The following CHFR variants were observed in gnomAD, a reference collection of about 807,000 sequenced individuals.
CHFR encodes E3 ubiquitin-protein ligase CHFR.
CHFR carries 57 observed loss-of-function variants against 87.6 expected under a neutral mutation model. The observed-to-expected ratio is 0.65, with a 90% CI of 0.53 to 0.81. The LOEUF is 0.81. CHFR is among the 30% of genes least tolerant of loss of function. The pLI is 0.00. For missense variants in CHFR, 797 were observed against 865.8 expected, an observed-to-expected ratio of 0.92 and a Z score of 1.00; for synonymous variants, 381 against 359.2, an observed-to-expected ratio of 1.06 and a Z score of -0.69.
At chr12:132,881,890 A>G (rs1254290943) in intron 2 of CHFR, among the ~76,000 whole-genome samples, 4 of 139,360 alleles carry the variant, frequency 2.9e-5, no homozygotes, top group African/African-American at 1.1e-4. Flanking sequence ...AAAAAAAAAG[A>G]CTGACCACCT....
intron 3 of CHFR, 87 bp from the exon 4 acceptor site, chr12:132,872,481 C>T (rs1307089988): frequency 7.4e-6 from 6 of 811,496 alleles, no homozygotes; most frequent in Admixed American, 2.0e-5. Flanking sequence ...GCAAGCAGCT[C>T]GATATGACCA....
intron 17 of CHFR, 54 bp from the exon 18 acceptor site, chr12:132,841,650 A>C: frequency 2.1e-6 from 3 of 1,421,622 alleles, no homozygotes; most frequent in Non-Finnish European, 3.0e-6. Flanking sequence ...AGGCAATCAA[A>C]TAAATTACAC....
chr12:132,866,238 C>T (rs1317024513), intron 6 of CHFR: 2 of 152,230 alleles, frequency 1.3e-5, no homozygotes, highest in Non-Finnish European at 2.9e-5. Context: ...CTGAGAAGTC[C>T]TCCCAGGTGA....
At chr12:132,860,942 G>A (rs899710122) in intron 7 of CHFR, among the ~76,000 whole-genome samples, 1 of 152,102 alleles carries the variant, frequency 6.6e-6, no homozygotes, top group African/African-American at 2.4e-5. Flanking sequence ...TAGTAGAGAC[G>A]GAGTTTCACC....
chr12:132,863,132 G>A (rs867704314), intron 6 of CHFR, among the ~76,000 whole-genome samples: 31 of 142,674 alleles, frequency 2.2e-4, no homozygotes, highest in Admixed American at 4.8e-4. Context: ...TCCTGACCTC[G>A]TGATCCACCC....
intron 11 of CHFR, among the ~76,000 whole-genome samples, chr12:132,852,521 C>T (rs937776920): frequency 7.3e-5 from 11 of 150,718 alleles, no homozygotes; most frequent in East Asian, 1.9e-4. Flanking sequence ...AAAGACCCTG[C>T]GAGGTCAACA....
chr12:132,852,781 T>A (rs1950976302), intron 11 of CHFR, among the ~76,000 whole-genome samples: 1 of 152,194 alleles, frequency 6.6e-6, no homozygotes, highest in African/African-American at 2.4e-5. Flanking sequence ...AGCACAAGGA[T>A]GTGGCTCTAC....
chr12:132,847,972 A>G (rs995965203), intron 14 of CHFR, 113 bp downstream of exon 14: 14 of 1,549,070 alleles, frequency 9.0e-6, no homozygotes, highest in South Asian at 2.4e-5. Flanking sequence ...CGGCTCCCCA[A>G]CCCGCAGCGG....
At chr12:132,881,812 G>A (rs1951775952) in intron 2 of CHFR, among the ~76,000 whole-genome samples, 2 of 150,650 alleles carry the variant, frequency 1.3e-5, no homozygotes, top group Admixed American at 6.7e-5. Context: ...AGGTTGCAGT[G>A]AGCTGAGATT....
intron 17 of CHFR, among the ~76,000 whole-genome samples, 159 bp downstream of exon 17, chr12:132,842,852 C>T (rs945814212): frequency 6.6e-6 from 1 of 152,148 alleles, no homozygotes; most frequent in African/African-American, 2.4e-5. Flanking sequence ...CTGCATGAAA[C>T]GAAGGGATAA....
intron 8 of CHFR, among the ~76,000 whole-genome samples, chr12:132,857,908 C>T (rs1951119676): frequency 6.6e-6 from 1 of 152,234 alleles, no homozygotes; most frequent in Non-Finnish European, 1.5e-5. Context: ...GCGAAATACA[C>T]CTTCCCAGAT....
In CHFR at chr12:132,845,808, C is replaced by T. The variant is rs192283276; in HGVS notation, c.1735+1235G>A. Among the ~76,000 whole-genome samples the T allele has an allele frequency of 5.1e-4, 77 of 152,308 alleles. 1 individual carries two copies. The South Asian group carries it at 9.5e-3, about 19-fold the overall frequency. On this transcript the variant is annotated intron_variant, in intron 15 of 17. Transcript: ENST00000450056. Reference sequence around the variant, plus strand: ...GTCCCAGGACAACTGACCCCAGGACCTCTGGATAGACAAGTGGTAGAGACC... The same window carrying T: ...GTCCCAGGACAACTGACCCCAGGACTTCTGGATAGACAAGTGGTAGAGACC...
At position 132,835,646 on chromosome 12, in the gene CHFR, G is replaced by A; in HGVS notation, c.*5908C>T. 1 of 195,740 alleles carries A rather than the reference G, an allele frequency of 5.1e-6. No homozygotes were observed. Among genetic ancestry groups the A allele is most frequent in the Non-Finnish European group, 1.1e-5 (1 of 93,448 alleles). 12.1% of individuals were successfully genotyped at this position (195,740 alleles called of 1,614,324 possible). A position where few individuals can be genotyped will look rare whatever the true frequency, so the allele number is the denominator to read the frequency against. On this transcript the variant is annotated 3_prime_UTR_variant, in exon 18 of 18. Transcript: ENST00000450056. ...AGACCAAAGAGGAACCGGCCCCGCT[G>A]ACACCCTGATCTCAGAGTTCCAGGC...
chr12:132,869,787 C>T lies in CHFR; in HGVS notation c.415G>A (p.Ala139Thr). The T allele has an allele frequency of 6.4e-7, 1 of 1,551,458 alleles. No homozygotes were observed. Among genetic ancestry groups the T allele is most frequent in the Non-Finnish European group, 8.7e-7 (1 of 1,146,994 alleles). ...GGATCGGCCCCTCGCCCTGCACCTG[C>T]ACCTGAGGTATCTTTGGTCCCATGG... is the stretch of plus-strand genomic sequence containing the variant. ...MTQESFDTSGAGAGRGADPRV... is the reference protein window; with the variant it reads ...MTQESFDTSGTGAGRGADPRV... The change falls in exon 6 of 18, where the codon GCA (alanine) becomes ACA (threonine). Residue 139 changes from alanine to threonine, a missense_variant. Ala to Thr is a moderately conservative substitution (Grantham distance 58). Around this residue, in one of 2 missense-constraint regions of CHFR, gnomAD observed 597 missense variants for 601.2 expected, o/e 0.99. Transcript: ENST00000450056.
In CHFR at chr12:132,833,085, C is replaced by G. The variant is rs1357240788; in HGVS notation, c.*8469G>C. On this transcript the variant is annotated 3_prime_UTR_variant, in exon 18 of 18. Transcript: ENST00000450056. ...GCACGTTTCCTCGCTGCACGATACT[C>G]CAGTGTCTGGATACACCCATTTTGT... 5 of 152,228 alleles carry G rather than the reference C, an allele frequency of 3.3e-5. No individual in the cohort carries two copies. Among genetic ancestry groups the G allele is most frequent in the Admixed American group, 1.3e-4 (2 of 15,280 alleles). The allele number at this position is 152,228 out of a possible 1,614,324, so 9.4% of individuals were successfully genotyped here.
rs115354268 is a variant in CHFR, at chr12:132,874,689, G to A, written c.234-2295C>T. ...GGACTGCCCGGGACCAGCACCCAGCGCGAGGAAGCCAGGCCCCGGAACAGG... is the reference window on the plus strand; with the variant it reads ...GGACTGCCCGGGACCAGCACCCAGCACGAGGAAGCCAGGCCCCGGAACAGG... On this transcript the variant is annotated intron_variant, in intron 3 of 17. Coordinates refer to ENST00000450056, the MANE Select transcript of CHFR (RefSeq NM_001161346.2). 3.1e-3 allele frequency among the ~76,000 whole-genome samples: 437 copies of A among 139,428 alleles called. 4 individuals are homozygous for A. Among genetic ancestry groups the A allele is most frequent in the African/African-American group, 0.011 (416 of 36,754 alleles). 91.5% of individuals were successfully genotyped at this position (139,428 alleles called of 152,430 possible). A position where few individuals can be genotyped will look rare whatever the true frequency, so the allele number is the denominator to read the frequency against.
At chr12:132,883,701 T>G (rs1184864053) in intron 2 of CHFR, among the ~76,000 whole-genome samples, 1 of 152,214 alleles carries the variant, frequency 6.6e-6, no homozygotes, top group African/African-American at 2.4e-5. Flanking sequence ...CACTCCAGAC[T>G]GGATAAAGAG....
chr12:132,848,720 C>A lies in CHFR; in HGVS notation c.1497G>T (p.Ala499=). ...GGTGGCAGAAAGGCTGCAGGCAGACCGCACCTGTGGAGAGAGGACACTCGT... is the reference window on the plus strand; with the variant it reads ...GGTGGCAGAAAGGCTGCAGGCAGACAGCACCTGTGGAGAGAGGACACTCGT... ...QDPRVAPQQC[A]VCLQPFCHLY... Residue 499 remains alanine, a synonymous_variant, in exon 13 of 18, where the codon GCG becomes GCT. Coordinates refer to ENST00000450056, the MANE Select transcript of CHFR (RefSeq NM_001161346.2). The A allele has an allele frequency of 1.3e-6, 2 of 1,582,172 alleles. No homozygotes were observed. The highest frequency in any genetic ancestry group is 2.3e-5 in the East Asian group (1 of 43,046).
chr12:132,881,679 A>G (rs1372121928), intron 2 of CHFR, among the ~76,000 whole-genome samples: 1 of 152,086 alleles, frequency 6.6e-6, no homozygotes, highest in East Asian at 1.9e-4. Context: ...CATCCTGGCC[A>G]ACATGGTGAA....
Sources: allele counts gnomAD v4.1 joint callset (sites outside exome capture counted in the v4.1 genomes callset), GRCh38; gene constraint gnomAD v4.1.1; regional missense constraint gnomAD v4.1.1; transcripts MANE v1.5; gene names NCBI Gene and HGNC (gene_info 2026-07-23, HGNC 2026-07-21).